Variants in SYCP2 observed in about 807,000 individuals in gnomAD.
SYCP2 encodes the protein synaptonemal complex protein 2.
In SYCP2, 55 loss-of-function variants were observed where a neutral mutation model predicts 211.3. The observed-to-expected ratio is 0.26, with a 90% confidence interval of 0.21 to 0.33. The LOEUF is 0.33. Among genes scored for constraint, SYCP2 ranks in the 10% least tolerant of loss-of-function variants. SYCP2 has a pLI of 1.00. For synonymous variants in SYCP2, 570 were observed against 555.2 expected, an observed-to-expected ratio of 1.03 and a Z score of -0.37; for missense variants, 1,731 against 1,752.0, an observed-to-expected ratio of 0.99 and a Z score of 0.21.
chr20:59,925,161 G>A (rs532833799), intron 2 of SYCP2, among the ~76,000 whole-genome samples: 6 of 152,124 alleles, frequency 3.9e-5, no homozygotes, highest in African/African-American at 1.4e-4. Context: ...AGAAACTCTT[G>A]TTCAATGAGA....
At chr20:59,910,956 A>G (rs1385652091) in intron 14 of SYCP2, among the ~76,000 whole-genome samples, 5 of 152,138 alleles carry the variant, frequency 3.3e-5, no homozygotes, top group African/African-American at 1.2e-4. Context: ...AAAGCAATAA[A>G]GGCATGTGGA....
intron 41 of SYCP2, 109 bp from the exon 42 acceptor site, chr20:59,865,974 C>A: frequency 2.1e-6 from 1 of 471,812 alleles, no homozygotes; most frequent in Non-Finnish European, 3.6e-6. Flanking sequence ...TAGAATTACT[C>A]TATTTCTATT....
intron 15 of SYCP2, among the ~76,000 whole-genome samples, chr20:59,903,770 T>C (rs780193164): frequency 6.6e-6 from 1 of 152,028 alleles, no homozygotes; most frequent in Non-Finnish European, 1.5e-5. Flanking sequence ...AAAATTTAAA[T>C]AGCAGCTGTT....
At chr20:59,869,766 G>T in intron 36 of SYCP2, 32 bp downstream of exon 36, 1 of 1,406,926 alleles carries the variant, frequency 7.1e-7, no homozygotes, top group Non-Finnish European at 9.9e-7. Context: ...CTTAGTGTAA[G>T]GAAAATTTAT....
chr20:59,933,203 C>T (rs975305981), intron 1 of SYCP2: 11 of 152,174 alleles, frequency 7.2e-5, no homozygotes, highest in Non-Finnish European at 1.5e-4. Context: ...CCCCGCTCGC[C>T]AAGCGCACCG....
At chr20:59,879,850 T>C (rs1220962811) in intron 31 of SYCP2, among the ~76,000 whole-genome samples, 9 of 99,138 alleles carry the variant, frequency 9.1e-5, no homozygotes, top group African/African-American at 3.7e-4. Context: ...TATATATATA[T>C]ATATATATAT....
intron 12 of SYCP2, among the ~76,000 whole-genome samples, chr20:59,912,758 T>G (rs1170885358): frequency 6.6e-6 from 1 of 152,204 alleles, no homozygotes; most frequent in Non-Finnish European, 1.5e-5. Flanking sequence ...GTGAGGGACC[T>G]GGTAGGAGAT....
chr20:59,930,414 T>C (rs1276745366), intron 2 of SYCP2, among the ~76,000 whole-genome samples: 1 of 152,168 alleles, frequency 6.6e-6, no homozygotes. Flanking sequence ...AAAAGAGATA[T>C]TGTCAAATCC....
intron 18 of SYCP2, 77 bp from the exon 19 acceptor site, chr20:59,896,605 AT>A: frequency 1.3e-6 from 1 of 766,522 alleles, no homozygotes; most frequent in South Asian, 1.6e-5. Flanking sequence ...TACTTATAAC[AT>A]TTTGCCTTGA....
rs1383149838 is a variant in SYCP2 at position 59,863,648 on chromosome 20, A to AT, written c.*662dup. 1.3e-5 allele frequency: 2 copies of AT among 152,014 alleles called. No individual in the cohort carries two copies. Among genetic ancestry groups the AT allele is most frequent in the Non-Finnish European group, 2.9e-5 (2 of 67,898 alleles). The allele number at this position is 152,014 out of a possible 1,614,324, so 9.4% of individuals were successfully genotyped here. On this transcript the variant is annotated 3_prime_UTR_variant, in exon 45 of 45. Transcript: ENST00000357552. ...ATCAAATGTATACTCATTTTTATAA[A>AT]TTAATCTAGCAAGATATTACAATGA...
intron 18 of SYCP2, among the ~76,000 whole-genome samples, chr20:59,897,516 A>G (rs1287232857): frequency 6.6e-6 from 1 of 152,154 alleles, no homozygotes; most frequent in Non-Finnish European, 1.5e-5. Context: ...AGACCTTTCC[A>G]AGAGTTTAAG....
intron 8 of SYCP2, among the ~76,000 whole-genome samples, chr20:59,916,008 A>T (rs775900671): frequency 2.0e-5 from 3 of 152,154 alleles, no homozygotes; most frequent in Non-Finnish European, 4.4e-5. Context: ...TAAAAATAAT[A>T]AAGTATAAAA....
chr20:59,884,955 T>C (rs1189903230), intron 26 of SYCP2: 1 of 152,090 alleles, frequency 6.6e-6, no homozygotes, highest in Non-Finnish European at 1.5e-5. Flanking sequence ...AATGGGTTTT[T>C]GAGTCAGGGC....
At chr20:59,867,876 T>TA (rs749869074) in intron 38 of SYCP2, 29 bp from the exon 39 acceptor site, 31 of 1,544,978 alleles carry the variant, frequency 2.0e-5, no homozygotes, top group South Asian at 2.3e-5. Context: ...CTGCTGAAGT[T>TA]AAAATATGCA....
Position 59,891,906 on chromosome 20 carries a change from C to T in SYCP2, c.2364+84G>A, listed in dbSNP as rs953707761. On this transcript the variant is annotated intron_variant, in intron 24 of 44. Transcript: ENST00000357552. Reference sequence around the variant, plus strand: ...GGTATTACACATGTTAAATGTGTAGCAATTAATCAAGTTTCTTTCTTTCTT... The same window carrying T: ...GGTATTACACATGTTAAATGTGTAGTAATTAATCAAGTTTCTTTCTTTCTT... 8.5e-6 allele frequency: 10 copies of T among 1,183,276 alleles called. No homozygotes were observed. The African/African-American group carries it at 1.4e-4, about 16-fold the overall frequency. The allele number at this position is 1,183,276 out of a possible 1,614,324, so 73.3% of individuals were successfully genotyped here.
chr20:59,916,182 G>C (rs1365634920), intron 8 of SYCP2, among the ~76,000 whole-genome samples: 99 of 152,154 alleles, frequency 6.5e-4, no homozygotes, highest in African/African-American at 2.3e-3. Flanking sequence ...TTGTTCTTAT[G>C]ATTATAGTAC....
chr20:59,905,139 G>T (rs1003301300), intron 15 of SYCP2, among the ~76,000 whole-genome samples: 3 of 152,140 alleles, frequency 2.0e-5, no homozygotes, highest in Non-Finnish European at 4.4e-5. Context: ...AGAACAAATG[G>T]AAGTCTTATA....
At chr20:59,906,572 T>G (rs1273310519) in intron 15 of SYCP2, among the ~76,000 whole-genome samples, 1 of 152,064 alleles carries the variant, frequency 6.6e-6, no homozygotes, top group Non-Finnish European at 1.5e-5. Context: ...CTCCTAAACA[T>G]AAAAGCTAAA....
rs111968826 is a variant in SYCP2, at chr20:59,900,817, T to G, written c.1184A>C (p.Glu395Ala). ...QKIFGATKHR[E>A]SIRKQGISVA... ...TGAAATACCTTGTTTTCTGATAGAT[T>G]CCTAAAATTAAATCAATTCACAGTG... is the stretch of plus-strand genomic sequence containing the variant. Residue 395 changes from glutamate to alanine, a missense_variant and splice_region_variant, in exon 17 of 45, where the codon GAA (glutamate) becomes GCA (alanine). By Grantham distance (107) the Glu-to-Ala change is moderately radical (BLOSUM62 -1). Around this residue, in one of 3 missense-constraint regions of SYCP2, gnomAD observed 1,387 missense variants for 1,351.3 expected, o/e 1.03. Coordinates refer to ENST00000357552, the MANE Select transcript of SYCP2 (RefSeq NM_014258.4). 15 of 1,607,380 alleles carry G rather than the reference T, an allele frequency of 9.3e-6. No individual in the cohort carries two copies. Among genetic ancestry groups the G allele is most frequent in the African/African-American group, 5.3e-5 (4 of 74,842 alleles).
Sources: gnomAD v4.1 joint callset for allele counts (sites outside exome capture counted in the v4.1 genomes callset) on GRCh38, gnomAD v4.1.1 for gene constraint, gnomAD v4.1.1 regional missense constraint, MANE v1.5 for transcripts, NCBI Gene and HGNC (gene_info 2026-07-23, HGNC 2026-07-21) for gene names.